The following LRMDA variants were observed in gnomAD, a reference collection of about 807,000 sequenced individuals.
LRMDA encodes the protein leucine rich melanocyte differentiation associated, also known as leucine-rich melanocyte differentiation-associated protein.
In LRMDA, 18 loss-of-function variants were observed where a neutral mutation model predicts 29.8. That is an observed-to-expected ratio of 0.60 (90% CI 0.42 to 0.90). LRMDA has a LOEUF of 0.90. Among genes scored for constraint, LRMDA ranks in the 40% least tolerant of loss-of-function variants. The probability of loss-of-function intolerance (pLI) is 0.00; values close to 1 mark genes in which losing one functional copy is unlikely to be tolerated. For missense variants in LRMDA, 273 were observed against 273.9 expected, an observed-to-expected ratio of 1.00 and a Z score of 0.02; for synonymous variants, 125 against 109.4, an observed-to-expected ratio of 1.14 and a Z score of -0.89.
At chr10:76,515,491 C>T (rs946379224) in intron 6 of LRMDA, among the ~76,000 whole-genome samples, 2 of 152,014 alleles carry the variant, frequency 1.3e-5, no homozygotes, top group Non-Finnish European at 2.9e-5. Flanking sequence ...AGATTAGACA[C>T]TCTGAATACA....
intron 5 of LRMDA, among the ~76,000 whole-genome samples, chr10:76,248,778 G>T (rs1161728662): frequency 6.6e-6 from 1 of 152,206 alleles, no homozygotes; most frequent in Admixed American, 6.5e-5. Context: ...AAGGCTTTGT[G>T]CAGGATAACA....
intron 2 of LRMDA, among the ~76,000 whole-genome samples, chr10:75,547,055 A>G (rs1358907976): frequency 6.6e-6 from 1 of 152,188 alleles, no homozygotes; most frequent in African/African-American, 2.4e-5. Flanking sequence ...CTGATAAATC[A>G]CCAAGTGCTT....
At chr10:75,433,542 T>TTTTGTTTGTTTG (rs556877972) in intron 1 of LRMDA, among the ~76,000 whole-genome samples, 1 of 152,062 alleles carries the variant, frequency 6.6e-6, no homozygotes, top group Admixed American at 6.6e-5. Context: ...GAGGTGGTTT[T>TTTTGTTTGTTTG]TTTGTTTGTT....
At chr10:75,508,772 C>T (rs2132030782) in intron 2 of LRMDA, among the ~76,000 whole-genome samples, 1 of 152,274 alleles carries the variant, frequency 6.6e-6, no homozygotes, top group East Asian at 1.9e-4. Context: ...GATTTTTAGT[C>T]CTCAATTACC....
intron 2 of LRMDA, among the ~76,000 whole-genome samples, chr10:75,759,159 C>T (rs990024298): frequency 6.6e-6 from 1 of 152,056 alleles, no homozygotes; most frequent in South Asian, 2.1e-4. Context: ...TAGCAAATTC[C>T]GTACATGGAT....
chr10:75,643,946 C>A lies in LRMDA; in HGVS notation c.131+205452C>A, dbSNP rs549261465. ...GTTTTATGTTGATTTGTTTTTAGTGCAGCTTTATTTCTTGTGATTTAAGAA... is the reference window on the plus strand; with the variant it reads ...GTTTTATGTTGATTTGTTTTTAGTGAAGCTTTATTTCTTGTGATTTAAGAA... On this transcript the variant is annotated intron_variant, in intron 2 of 6. Coordinates refer to ENST00000611255, the MANE Select transcript of LRMDA (RefSeq NM_001305581.2). 2.6e-5 allele frequency among the ~76,000 whole-genome samples: 4 copies of A among 152,238 alleles called. No homozygotes were observed. In the South Asian group the frequency reaches 8.3e-4, roughly 32 times the overall value.
chr10:75,658,070 A>C (rs1056693325), intron 2 of LRMDA, among the ~76,000 whole-genome samples: 3 of 152,088 alleles, frequency 2.0e-5, no homozygotes, highest in African/African-American at 7.2e-5. Context: ...TATCCCAAAA[A>C]TTGCTGCTAA....
intron 5 of LRMDA, among the ~76,000 whole-genome samples, chr10:76,210,845 C>T (rs975068298): frequency 1.3e-5 from 2 of 152,188 alleles, no homozygotes; most frequent in African/African-American, 2.4e-5. Flanking sequence ...ATCAGGGACT[C>T]CACTGCGTAT....
intron 2 of LRMDA, among the ~76,000 whole-genome samples, chr10:75,468,225 C>G (rs1194122681): frequency 2.6e-5 from 4 of 152,112 alleles, no homozygotes; most frequent in African/African-American, 9.7e-5. Flanking sequence ...GTCGGTTTCC[C>G]CCATACATAA....
At chr10:76,220,517 C>A (rs1244662883) in intron 5 of LRMDA, among the ~76,000 whole-genome samples, 1 of 152,192 alleles carries the variant, frequency 6.6e-6, no homozygotes, top group African/African-American at 2.4e-5. Flanking sequence ...CTACAAAAAT[C>A]TAGAAGAAAT....
intron 2 of LRMDA, among the ~76,000 whole-genome samples, chr10:75,459,695 A>G (rs1844562446): frequency 6.6e-6 from 1 of 152,160 alleles, no homozygotes; most frequent in African/African-American, 2.4e-5. Flanking sequence ...AGTATACCTG[A>G]GATTGGGCCA....
intron 5 of LRMDA, among the ~76,000 whole-genome samples, chr10:76,191,309 A>G (rs1260438392): frequency 1.3e-5 from 2 of 152,206 alleles, no homozygotes; most frequent in Non-Finnish European, 2.9e-5. Flanking sequence ...TAGATCCTGG[A>G]TGGTGTTGAG....
intron 6 of LRMDA, among the ~76,000 whole-genome samples, chr10:76,423,003 A>G (rs995252010): frequency 1.3e-5 from 2 of 152,370 alleles, no homozygotes; most frequent in Admixed American, 1.3e-4. Flanking sequence ...TGAGAAAGTT[A>G]TATCCTATTT....
intron 2 of LRMDA, among the ~76,000 whole-genome samples, chr10:75,585,021 G>A (rs541074969): frequency 1.2e-4 from 19 of 152,276 alleles, no homozygotes; most frequent in South Asian, 1.0e-3. Flanking sequence ...GCACAAATCC[G>A]AAGTGTCCAG....
intron 2 of LRMDA, among the ~76,000 whole-genome samples, chr10:75,780,082 C>A (rs1201901602): frequency 6.6e-6 from 1 of 152,082 alleles, no homozygotes; most frequent in African/African-American, 2.4e-5. Context: ...TAAGCCGGAG[C>A]CACCAGGAAT....
At chr10:76,376,095 C>T (rs1841514129) in intron 6 of LRMDA, among the ~76,000 whole-genome samples, 1 of 151,782 alleles carries the variant, frequency 6.6e-6, no homozygotes. Flanking sequence ...GTAACCAACA[C>T]CCAAATAGTG....
intron 4 of LRMDA, among the ~76,000 whole-genome samples, chr10:76,056,712 T>C (rs993735957): frequency 6.6e-5 from 10 of 152,128 alleles, no homozygotes; most frequent in East Asian, 5.8e-4. Flanking sequence ...GGAGTGGGCA[T>C]TGGGAGTCGG....
At chr10:75,838,979 T>C (rs549875833) in intron 2 of LRMDA, among the ~76,000 whole-genome samples, 36 of 152,172 alleles carry the variant, frequency 2.4e-4, no homozygotes, top group African/African-American at 8.7e-4. Context: ...GGCAAGCTGG[T>C]GGATGGAGAA....
chr10:76,099,113 C>T (rs928064714), intron 5 of LRMDA, among the ~76,000 whole-genome samples: 1 of 152,212 alleles, frequency 6.6e-6, no homozygotes, highest in African/African-American at 2.4e-5. Flanking sequence ...GACTCCTAAA[C>T]CATAATTTCT....
Sources: allele counts gnomAD v4.1 joint callset (sites outside exome capture counted in the v4.1 genomes callset), GRCh38; gene constraint gnomAD v4.1.1; transcripts MANE v1.5; gene names NCBI Gene and HGNC (gene_info 2026-07-23, HGNC 2026-07-21).